UBE2V2: variants seen among roughly 807,000 people sequenced by gnomAD.
UBE2V2 encodes the protein ubiquitin-conjugating enzyme E2 variant 2.
A neutral mutation model predicts 17.2 loss-of-function variants in UBE2V2; 9 were observed. That is an observed-to-expected ratio of 0.52 (90% CI 0.32 to 0.91). The LOEUF (loss-of-function observed/expected upper bound fraction) is 0.91. Among genes scored for constraint, UBE2V2 ranks in the 40% least tolerant of loss-of-function variants. UBE2V2 has a pLI of 0.04. For synonymous variants in UBE2V2, 61 were observed against 57.5 expected, an observed-to-expected ratio of 1.06 and a Z score of -0.28; for missense variants, 133 against 182.6, an observed-to-expected ratio of 0.73 and a Z score of 1.56.
At chr8:48,057,390 C>T (rs1226834442) in intron 3 of UBE2V2, among the ~76,000 whole-genome samples, 1 of 152,114 alleles carries the variant, frequency 6.6e-6, no homozygotes, top group African/African-American at 2.4e-5. Context: ...CAACCTCTGC[C>T]TCCTGGGCTC....
chr8:47,997,628 C>T, the UBE2V2 span, among the ~76,000 whole-genome samples: 4 of 152,034 alleles, frequency 2.6e-5, no homozygotes, highest in Non-Finnish European at 4.4e-5. Flanking sequence ...CCCAGACGTT[C>T]CTCAGTTTGG....
chr8:48,023,256 G>A (rs1246843623), intron 1 of UBE2V2, among the ~76,000 whole-genome samples: 5 of 148,638 alleles, frequency 3.4e-5, no homozygotes, highest in East Asian at 2.0e-4. Flanking sequence ...TTGCTCTATC[G>A]CCAGGCTGTA....
At position 48,055,200 on chromosome 8, in the gene UBE2V2, C is replaced by CT. The variant is rs5891260; in HGVS notation, c.291+5238dup. Among the ~76,000 whole-genome samples, 316 of 134,440 alleles carry CT rather than the reference C, an allele frequency of 2.4e-3. 2 individuals carry two copies. Among genetic ancestry groups the CT allele is most frequent in the Middle Eastern group, 7.2e-3 (2 of 278 alleles). The allele number at this position is 134,440 out of a possible 152,430, so 88.2% of individuals were successfully genotyped here. On this transcript the variant is annotated intron_variant, in intron 3 of 3. Transcript: ENST00000523111. Reference sequence around the variant, plus strand: ...TTACTCTTTTAGTTAGTTTCTTTTCCTTTTTTTTTTTTTTTTGAGACGGAG... The same window carrying CT: ...TTACTCTTTTAGTTAGTTTCTTTTCCTTTTTTTTTTTTTTTTTGAGACGGAG...
the UBE2V2 span, among the ~76,000 whole-genome samples, chr8:48,003,099 A>G: frequency 6.6e-6 from 1 of 151,892 alleles, no homozygotes; most frequent in Non-Finnish European, 1.5e-5. Flanking sequence ...AGTCCCAGCT[A>G]CTTGGGAGGC....
Position 48,048,320 on chromosome 8 carries a change from C to G in UBE2V2, c.166-1533C>G, listed in dbSNP as rs543690918. Among the ~76,000 whole-genome samples, 4 of 152,292 alleles carry G rather than the reference C, an allele frequency of 2.6e-5. No homozygotes were observed. The South Asian group carries it at 8.3e-4, about 32-fold the overall frequency. On this transcript the variant is annotated intron_variant, in intron 2 of 3. Transcript: ENST00000523111. ...AATAGTATTTTACTGTATGGATATA[C>G]CACAATGTGTTTATCACTTCTTTTT...
intron 1 of UBE2V2, among the ~76,000 whole-genome samples, chr8:48,017,152 T>G (rs114526115): frequency 0.053 from 7,947 of 150,652 alleles, 693 homozygotes; most frequent in African/African-American, 0.18. Flanking sequence ...CTCATGTGGG[T>G]TTTTTTTTGC....
intron 3 of UBE2V2, among the ~76,000 whole-genome samples, chr8:48,057,594 C>T (rs924758006): frequency 3.3e-5 from 5 of 152,098 alleles, no homozygotes; most frequent in Admixed American, 6.6e-5. Flanking sequence ...TGAGCCACTG[C>T]ACCCGACCTT....
At chr8:48,053,353 A>G (rs1246066610) in intron 3 of UBE2V2, among the ~76,000 whole-genome samples, 6 of 152,152 alleles carry the variant, frequency 3.9e-5, no homozygotes, top group Non-Finnish European at 8.8e-5. Flanking sequence ...TGATAGAACC[A>G]GCATCTATGT....
Position 48,043,111 on chromosome 8 carries a change from G to T in UBE2V2, c.95G>T (p.Ser32Ile), listed in dbSNP as rs1355584130. Residue 32 changes from serine to isoleucine, a missense_variant, in exon 2 of 4, where the codon AGC (serine) becomes ATC (isoleucine). By Grantham distance (142) the Ser-to-Ile change is moderately radical. Coordinates refer to ENST00000523111, the MANE Select transcript of UBE2V2 (RefSeq NM_003350.3). ...GQKGVGDGTV[S>I]WGLEDDEDMT... ...AAAGGAGTAGGCGACGGTACAGTTA[G>T]CTGGGGCCTTGAAGATGATGAAGAT... 2 of 1,601,408 alleles carry T rather than the reference G, an allele frequency of 1.2e-6. No individual in the cohort carries two copies. The highest frequency in any genetic ancestry group is 8.5e-7 in the Non-Finnish European group (1 of 1,172,622).
intron 1 of UBE2V2, chr8:48,035,131 T>C (rs891946456): frequency 0.01 from 9,467 of 910,274 alleles, 4 homozygotes; most frequent in Non-Finnish European, 0.012. Context: ...TTTTTTTTTT[T>C]TGGAGGTGGA....
chr8:48,005,147 C>T (rs1262163155), upstream of UBE2V2, among the ~76,000 whole-genome samples: 1 of 151,396 alleles, frequency 6.6e-6, no homozygotes, highest in Non-Finnish European at 1.5e-5. Flanking sequence ...TTACGTATTT[C>T]TCCTAATGCT....
intron 1 of UBE2V2, among the ~76,000 whole-genome samples, chr8:48,017,647 A>G (rs2091278732): frequency 6.6e-6 from 1 of 152,032 alleles, no homozygotes; most frequent in Admixed American, 6.6e-5. Flanking sequence ...TGCTAGGATT[A>G]CAGGCGAGAG....
chr8:48,032,495 A>G (rs28702696), intron 1 of UBE2V2, among the ~76,000 whole-genome samples: 34,167 of 152,052 alleles, frequency 0.22, 7,466 homozygotes, highest in African/African-American at 0.56. Flanking sequence ...GCTCACACCT[A>G]TAATCTCAGT....
chr8:48,031,475 G>A (rs1169035352), intron 1 of UBE2V2, among the ~76,000 whole-genome samples: 1 of 151,970 alleles, frequency 6.6e-6, no homozygotes, highest in Non-Finnish European at 1.5e-5. Flanking sequence ...AGTGGCTGGG[G>A]GTAGGGTGGT....
intron 1 of UBE2V2, among the ~76,000 whole-genome samples, chr8:48,039,406 C>T (rs938370429): frequency 2.0e-5 from 3 of 152,060 alleles, no homozygotes; most frequent in Admixed American, 6.6e-5. Context: ...TAGAATAAGC[C>T]GTTATGATTC....
chr8:48,037,078 CT>C (rs1458304482), intron 1 of UBE2V2, among the ~76,000 whole-genome samples: 1 of 152,190 alleles, frequency 6.6e-6, no homozygotes, highest in Non-Finnish European at 1.5e-5. Context: ...ACTTGGAAGG[CT>C]GAGGCAGGAG....
At chr8:48,056,080 GC>G (rs1466384937) in intron 3 of UBE2V2, among the ~76,000 whole-genome samples, 3 of 152,084 alleles carry the variant, frequency 2.0e-5, no homozygotes, top group Non-Finnish European at 4.4e-5. Context: ...TTATAGATTT[GC>G]CCATTCTGGA....
chr8:48,011,013 GAGCC>G (rs2091226734), intron 1 of UBE2V2, among the ~76,000 whole-genome samples: 1 of 150,916 alleles, frequency 6.6e-6, no homozygotes, highest in Admixed American at 6.6e-5. Context: ...TTACAGGTGT[GAGCC>G]ACAGTGCCCA....
intron 1 of UBE2V2, among the ~76,000 whole-genome samples, chr8:48,037,895 G>A (rs1473609716): frequency 3.9e-5 from 6 of 152,020 alleles, no homozygotes; most frequent in Non-Finnish European, 5.9e-5. Flanking sequence ...CCATTCCCAC[G>A]TTGCAGCAAA....
Sources: gnomAD v4.1 joint callset for allele counts (sites outside exome capture counted in the v4.1 genomes callset) on GRCh38, gnomAD v4.1.1 for gene constraint, MANE v1.5 for transcripts, NCBI Gene and HGNC (gene_info 2026-07-23, HGNC 2026-07-21) for gene names.